The following ACTR8 variants were observed in gnomAD, a reference collection of about 807,000 sequenced individuals.
The protein encoded by ACTR8 is actin related protein 8.
In ACTR8, 70 loss-of-function variants were observed where a neutral mutation model predicts 84.3. The ratio of observed to expected loss-of-function variants is 0.83; its 90% CI spans 0.68 to 1.01. ACTR8 has a LOEUF of 1.01. Among genes scored for constraint, ACTR8 ranks in the 50% least tolerant of loss-of-function variants. ACTR8 has a pLI of 0.00. For missense variants in ACTR8, 672 were observed against 775.4 expected, an observed-to-expected ratio of 0.87 and a Z score of 1.58; for synonymous variants, 268 against 275.2, an observed-to-expected ratio of 0.97 and a Z score of 0.26.
At chr3:53,865,132 G>A (rs569064327), downstream of ACTR8, 1 of 1,614,158 alleles carries the variant, frequency 6.2e-7, no homozygotes, top group East Asian at 2.2e-5. Context: ...CAAATACGTG[G>A]TGGTCTACTT....
chr3:53,868,533 C>A lies in ACTR8; in HGVS notation c.*186G>T. The A allele has an allele frequency of 1.2e-6, 1 of 834,576 alleles. No homozygotes were observed. The highest frequency in any genetic ancestry group is 1.8e-6 in the Non-Finnish European group (1 of 553,110). The allele number at this position is 834,576 out of a possible 1,614,324, so 51.7% of individuals were successfully genotyped here. A position where few individuals can be genotyped will look rare whatever the true frequency, so the allele number is the denominator to read the frequency against. On this transcript the variant is annotated 3_prime_UTR_variant, in exon 13 of 13. Transcript: ENST00000335754. ...TCCTATTTATTCTCAAATGCCCTGA[C>A]TAAACTGCTCAAAAGCAGTTTATAT...
At chr3:53,864,532 C>T (rs111577002), downstream of ACTR8, among the ~76,000 whole-genome samples, 441 of 150,730 alleles carry the variant, frequency 2.9e-3, 1 homozygote, top group African/African-American at 0.01. Flanking sequence ...GAGACTATGT[C>T]TCCAAAAAAA....
Position 53,872,463 on chromosome 3 carries a change from A to G in ACTR8, c.1223T>C (p.Leu408Ser), listed in dbSNP as rs886846717. Residue 408 changes from leucine to serine, a missense_variant, in exon 10 of 13, where the codon TTG becomes TCG. By Grantham distance (145) the Leu-to-Ser change is moderately radical. Transcript: ENST00000335754. ...AGGATCGCCCTGAGATCTGTGCTGC[A>G]AAGTCGTCATTTTCTGTCCAACGAT... ...FGIVGQKMTTLQHRSQGDPED... is the reference protein window; with the variant it reads ...FGIVGQKMTTSQHRSQGDPED... The G allele has an allele frequency of 3.1e-6, 5 of 1,611,268 alleles. No homozygotes were observed. The highest frequency in any genetic ancestry group is 4.2e-6 in the Non-Finnish European group (5 of 1,179,042).
At chr3:53,872,208 T>C (rs989481291) in intron 10 of ACTR8, among the ~76,000 whole-genome samples, 176 bp downstream of exon 10, 8 of 152,254 alleles carry the variant, frequency 5.3e-5, no homozygotes, top group Non-Finnish European at 1.0e-4. Flanking sequence ...GTTTGCTGAA[T>C]AGAGAAATAT....
intron 9 of ACTR8, 66 bp from the exon 10 acceptor site, chr3:53,872,590 AT>A (rs1357929995): frequency 9.4e-6 from 14 of 1,484,482 alleles, no homozygotes; most frequent in Non-Finnish European, 1.3e-5. Context: ...GATCCACTAA[AT>A]TCTGTTCTTC....
downstream of ACTR8, among the ~76,000 whole-genome samples, chr3:53,864,547 A>G (rs1699707861): frequency 6.6e-6 from 1 of 152,074 alleles, no homozygotes; most frequent in South Asian, 2.1e-4. Context: ...AAAAAAAAAA[A>G]GTTAAGGTTT....
chr3:53,860,149 C>A, the ACTR8 span: 1 of 1,613,968 alleles, frequency 6.2e-7, no homozygotes, highest in Admixed American at 1.7e-5. Flanking sequence ...AGCCGGGAGG[C>A]TGGCTGCCTC....
chr3:53,873,034 G>A lies in ACTR8; in HGVS notation c.1159C>T (p.Gln387Ter). 2 of 1,606,802 alleles carry A rather than the reference G, an allele frequency of 1.2e-6. No homozygotes were observed. Among genetic ancestry groups the A allele is most frequent in the East Asian group, 4.5e-5 (2 of 44,796 alleles). Reference protein sequence around the residue: ...YQFRLGDEKLQAPMALFYPAT... With the variant: ...YQFRLGDEKL ...GGAAACAGATACCTATAAGTTACCT[G>A]CAGTTTTTCATCTCCTAATCGAAAC... Residue 387 changes from glutamine (Q) to a stop codon, truncating the protein, a stop_gained and splice_region_variant, in exon 9 of 13, where the codon CAG becomes TAG. Coordinates refer to ENST00000335754, the MANE Select transcript of ACTR8 (RefSeq NM_022899.5). LOFTEE classifies it high-confidence loss of function.
At chr3:53,861,213 ACAC>A in the ACTR8 span, 1 of 152,150 alleles carries the variant, frequency 6.6e-6, no homozygotes. Context: ...ACCTTCAATA[ACAC>A]CTTAGGACCC....
In ACTR8 at chr3:53,867,863, C is replaced by G. The variant is rs2107043907; in HGVS notation, c.*856G>C. 6.6e-6 allele frequency: 1 copy of G among 152,292 alleles called. No homozygotes were observed. The highest frequency in any genetic ancestry group is 1.9e-4 in the East Asian group (1 of 5,186). 9.4% of individuals were successfully genotyped at this position (152,292 alleles called of 1,614,324 possible). A position where few individuals can be genotyped will look rare whatever the true frequency, so the allele number is the denominator to read the frequency against. On this transcript the variant is annotated 3_prime_UTR_variant, in exon 13 of 13. Transcript: ENST00000335754. ...GAACATCATGAACTCCAAAAGCTTT[C>G]ACTTAATCCTTCAGGTAAAGGAAAA...
In ACTR8 at chr3:53,877,747, C is replaced by T. The variant is rs149202945; in HGVS notation, c.410G>A (p.Arg137His). 62 of 1,613,390 alleles carry T rather than the reference C, an allele frequency of 3.8e-5. No individual in the cohort carries two copies. Among genetic ancestry groups the T allele is most frequent in the Admixed American group, 5.0e-5 (3 of 59,954 alleles). ...RRIPVSPEQA[R>H]SYNKQMRPAI... ...AGGTCGCATCTGCTTATTGTAGGAGCGTGCCTGAAAAGAAAAACCATCAGA... is the reference window on the plus strand; with the variant it reads ...AGGTCGCATCTGCTTATTGTAGGAGTGTGCCTGAAAAGAAAAACCATCAGA... The change falls in exon 4 of 13, where the codon CGC becomes CAC. Residue 137 changes from arginine to histidine, a missense_variant. Transcript: ENST00000335754.
Position 53,882,147 on chromosome 3 carries a change from A to G in ACTR8, c.-46T>C. On this transcript the variant is annotated 5_prime_UTR_variant, in exon 1 of 13. Transcript: ENST00000335754. ...AACCTCTCGCCTCAGCGCTGCAGCCACGACTGCCGGGATGGAAGGGCCACC... is the reference window on the plus strand; with the variant it reads ...AACCTCTCGCCTCAGCGCTGCAGCCGCGACTGCCGGGATGGAAGGGCCACC... The G allele has an allele frequency of 1.3e-6, 2 of 1,544,342 alleles. No individual in the cohort carries two copies. The highest frequency in any genetic ancestry group is 1.8e-6 in the Non-Finnish European group (2 of 1,141,966).
chr3:53,863,213 G>A (rs1699630190), downstream of ACTR8, among the ~76,000 whole-genome samples: 1 of 152,168 alleles, frequency 6.6e-6, no homozygotes, highest in Admixed American at 6.5e-5. Context: ...TAGGCTATTA[G>A]AAGTTAAGTT....
At chr3:53,860,082 T>G in the ACTR8 span, 8 of 1,209,546 alleles carry the variant, frequency 6.6e-6, no homozygotes, top group African/African-American at 3.0e-5. Flanking sequence ...AATTAAGAGA[T>G]AAGTGTGGAT....
chr3:53,864,521 T>A (rs1699705320), downstream of ACTR8, among the ~76,000 whole-genome samples: 1 of 151,724 alleles, frequency 6.6e-6, no homozygotes, highest in Admixed American at 6.6e-5. Context: ...GGCGACAGAG[T>A]GAGACTATGT....
chr3:53,872,515 C>T lies in ACTR8; in HGVS notation c.1171G>A (p.Ala391Thr). ...LGDEKLQAPM[A>T]LFYPATFGIV... ...CCAAAAGTTGCGGGGTAAAACAAAG[C>T]CATTGGAGCCTGTACATGAAGAAAA... Residue 391 changes from alanine (A) to threonine (T), a missense_variant, in exon 10 of 13, where the codon GCT (alanine) becomes ACT (threonine). Physicochemically the swap from Ala to Thr is moderately conservative, Grantham distance 58 (BLOSUM62 0). Transcript: ENST00000335754. 1 of 1,600,964 alleles carries T rather than the reference C, an allele frequency of 6.2e-7. No homozygotes were observed. Among genetic ancestry groups the T allele is most frequent in the Non-Finnish European group, 8.5e-7 (1 of 1,176,042 alleles).
At position 53,874,199 on chromosome 3, in the gene ACTR8, T is replaced by C; in HGVS notation, c.1065+12A>G. ...AAACAAAAATAATCAGCAATATTGA[T>C]TCTGCTCCCACCTGATCTAAATGAC... On this transcript the variant is annotated intron_variant, in intron 8 of 12. Coordinates refer to ENST00000335754, the MANE Select transcript of ACTR8 (RefSeq NM_022899.5). 1 of 1,598,750 alleles carries C rather than the reference T, an allele frequency of 6.3e-7. No individual in the cohort carries two copies. The highest frequency in any genetic ancestry group is 8.5e-7 in the Non-Finnish European group (1 of 1,175,682).
At chr3:53,863,437 C>A (rs1699643213), downstream of ACTR8, among the ~76,000 whole-genome samples, 1 of 152,182 alleles carries the variant, frequency 6.6e-6, no homozygotes, top group South Asian at 2.1e-4. Flanking sequence ...AAAGGAAATA[C>A]AAATGCATCC....
chr3:53,859,905 C>A, the ACTR8 span: 1 of 424,824 alleles, frequency 2.4e-6, no homozygotes, highest in Non-Finnish European at 4.3e-6. Context: ...CCCAGCTACT[C>A]AGGAGGCTGA....
Sources: allele counts gnomAD v4.1 joint callset (sites outside exome capture counted in the v4.1 genomes callset), GRCh38; gene constraint gnomAD v4.1.1; transcripts MANE v1.5; gene names NCBI Gene and HGNC (gene_info 2026-07-23, HGNC 2026-07-21).